PEF1: variants seen among roughly 807,000 people sequenced by gnomAD.
PEF1 encodes the protein peflin.
Under a neutral mutation model 32.0 loss-of-function variants are expected in PEF1, and 17 were observed. That is an observed-to-expected ratio of 0.53 (90% CI 0.36 to 0.80). The LOEUF is 0.80. PEF1 is among the 30% of genes least tolerant of loss of function. The pLI is 0.00. For missense variants in PEF1, 362 were observed against 369.1 expected (o/e 0.98, Z 0.16); for synonymous variants, 130 against 139.8 (o/e 0.93, Z 0.50).
At chr1:31,644,736 C>T in intron 1 of PEF1, 105 bp downstream of exon 1, 1 of 1,595,222 alleles carries the variant, frequency 6.3e-7, no homozygotes, top group Non-Finnish European at 8.6e-7. Context: ...GAAGCGAACC[C>T]ATCGTGGGAA....
intron 1 of PEF1, among the ~76,000 whole-genome samples, chr1:31,636,026 C>T (rs1640244447): frequency 1.3e-5 from 2 of 152,182 alleles, no homozygotes; most frequent in South Asian, 4.1e-4. Context: ...TGGATTCATC[C>T]ACAGCATGTC....
chr1:31,639,846 G>C (rs6425777), intron 1 of PEF1, among the ~76,000 whole-genome samples: 80,196 of 152,018 alleles, frequency 0.53, 22,278 homozygotes, highest in Non-Finnish European at 0.62. Flanking sequence ...GAGACAGAAT[G>C]CAGGCTGCAC....
chr1:31,637,109 T>C lies in PEF1; in HGVS notation c.25-1587A>G, dbSNP rs1406115812. Among the ~76,000 whole-genome samples, 7 of 152,328 alleles carry C rather than the reference T, an allele frequency of 4.6e-5. No individual in the cohort carries two copies. In the East Asian group the frequency reaches 1.3e-3, roughly 29 times the overall value. Reference sequence around the variant, plus strand: ...GTTTGATAGCTTGAAATAATTACTCTTAAGGCTAAGGCCAAATTCATGAGG... The same window carrying C: ...GTTTGATAGCTTGAAATAATTACTCCTAAGGCTAAGGCCAAATTCATGAGG... On this transcript the variant is annotated intron_variant, in intron 1 of 4. Coordinates refer to ENST00000373703, the MANE Select transcript of PEF1 (RefSeq NM_012392.4).
intron 2 of PEF1, 186 bp downstream of exon 2, chr1:31,635,036 C>A: frequency 4.9e-6 from 4 of 811,076 alleles, no homozygotes; most frequent in South Asian, 3.0e-5. Flanking sequence ...GCAAGCAATA[C>A]AAATAAATGC....
intron 1 of PEF1, 151 bp downstream of exon 1, chr1:31,644,690 G>T: frequency 6.7e-7 from 1 of 1,497,294 alleles, no homozygotes; most frequent in South Asian, 1.3e-5. Flanking sequence ...GCGACCGACG[G>T]TCCCTTTTCG....
intron 2 of PEF1, 36 bp downstream of exon 2, chr1:31,635,186 C>A: frequency 6.2e-7 from 1 of 1,606,408 alleles, no homozygotes; most frequent in Non-Finnish European, 8.5e-7. Context: ...CTCAGAACCA[C>A]GTCAGAGGTA....
chr1:31,634,071 A>G lies in PEF1; in HGVS notation c.326-757T>C, dbSNP rs191333666. ...GGGGTCCCTTCACACAAAGACAGCC[A>G]TGGGCAGTTGTGGAGGACAGAAACC... On this transcript the variant is annotated intron_variant, in intron 2 of 4. Coordinates refer to ENST00000373703, the MANE Select transcript of PEF1 (RefSeq NM_012392.4). Among the ~76,000 whole-genome samples, 708 of 152,320 alleles carry G rather than the reference A, an allele frequency of 4.6e-3. 5 individuals are homozygous for G. Among genetic ancestry groups the G allele is most frequent in the African/African-American group, 0.016 (668 of 41,568 alleles).
At chr1:31,641,420 C>A (rs925961356) in intron 1 of PEF1, among the ~76,000 whole-genome samples, 1 of 152,174 alleles carries the variant, frequency 6.6e-6, no homozygotes, top group Non-Finnish European at 1.5e-5. Flanking sequence ...TGGGACAAAA[C>A]ACTTCACTGG....
intron 1 of PEF1, among the ~76,000 whole-genome samples, chr1:31,638,025 T>C (rs1640302058): frequency 6.6e-6 from 1 of 152,130 alleles, no homozygotes; most frequent in Non-Finnish European, 1.5e-5. Context: ...TTAACAAGAC[T>C]TAACATGTAG....
chr1:31,640,382 AC>A (rs1640363944), intron 1 of PEF1, among the ~76,000 whole-genome samples: 1 of 151,856 alleles, frequency 6.6e-6, no homozygotes, highest in Non-Finnish European at 1.5e-5. Context: ...ACTCTACACT[AC>A]CCCCTTCTGT....
chr1:31,632,304 G>T, intron 4 of PEF1, 191 bp downstream of exon 4: 1 of 967,450 alleles, frequency 1.0e-6, no homozygotes, highest in Non-Finnish European at 1.6e-6. Flanking sequence ...GTGTTTCCTT[G>T]CCCTGGCTCT....
chr1:31,641,624 A>G (rs1640392468), intron 1 of PEF1, among the ~76,000 whole-genome samples: 1 of 152,094 alleles, frequency 6.6e-6, no homozygotes, highest in Admixed American at 6.6e-5. Flanking sequence ...TTGTGCAGCT[A>G]TTTCCTCTGC....
At chr1:31,641,997 T>A (rs916311313) in intron 1 of PEF1, among the ~76,000 whole-genome samples, 2 of 152,220 alleles carry the variant, frequency 1.3e-5, no homozygotes, top group Non-Finnish European at 2.9e-5. Flanking sequence ...TGTGGGAGGC[T>A]GAGGCAGGTG....
chr1:31,637,030 G>A lies in PEF1; in HGVS notation c.25-1508C>T, dbSNP rs866836124. 5.3e-5 allele frequency among the ~76,000 whole-genome samples: 8 copies of A among 152,318 alleles called. 1 individual carries two copies. The South Asian group carries it at 8.3e-4, about 16-fold the overall frequency. ...ATCTAGATACGTTCTAGATCAACCT[G>A]TAAGTGCACCAGTGGCCAAGCCACT... is the stretch of plus-strand genomic sequence containing the variant. On this transcript the variant is annotated intron_variant, in intron 1 of 4. Transcript: ENST00000373703.
chr1:31,642,037 G>T (rs911906711), intron 1 of PEF1, among the ~76,000 whole-genome samples: 30 of 152,272 alleles, frequency 2.0e-4, no homozygotes, highest in Middle Eastern at 3.4e-3. Flanking sequence ...TTTGAGACCA[G>T]CCTGGCCAAC....
At position 31,630,288 on chromosome 1, in the gene PEF1, G is replaced by A; in HGVS notation, c.*325C>T. 1 of 374,860 alleles carries A rather than the reference G, an allele frequency of 2.7e-6. No individual in the cohort carries two copies. The highest frequency in any genetic ancestry group is 2.6e-5 in the South Asian group (1 of 38,874). 23.2% of individuals were successfully genotyped at this position (374,860 alleles called of 1,614,324 possible). ...GAACACTCACCACTGGCATCAGGGT[G>A]GAGCTCAGCTGACTGGACACTAACT... On this transcript the variant is annotated 3_prime_UTR_variant, in exon 5 of 5. Coordinates refer to ENST00000373703, the MANE Select transcript of PEF1 (RefSeq NM_012392.4).
chr1:31,632,508 T>C lies in PEF1; in HGVS notation c.612A>G (p.Thr204=), dbSNP rs150810159. 8.0e-5 allele frequency: 129 copies of C among 1,614,118 alleles called. 1 individual carries two copies. The highest frequency in any genetic ancestry group is 1.6e-4 in the Middle Eastern group (1 of 6,084). ...DRDRSGSISY[T]ELQQALSQMG... ...CATGACCCGCACCTTGCTGCAGCTCTGTGTAGCTAATGGAGCCCGAGCGGT... is the reference window on the plus strand; with the variant it reads ...CATGACCCGCACCTTGCTGCAGCTCCGTGTAGCTAATGGAGCCCGAGCGGT... Residue 204 remains threonine, a synonymous_variant, in exon 4 of 5, where the codon ACA becomes ACG. Transcript: ENST00000373703.
At chr1:31,630,914 G>T in intron 4 of PEF1, 72 bp from the exon 5 acceptor site, 1 of 1,262,428 alleles carries the variant, frequency 7.9e-7, no homozygotes, top group East Asian at 2.5e-5. Context: ...CAGGAATACT[G>T]GATCACAACA....
chr1:31,632,002 T>C (rs1419628491), intron 4 of PEF1, among the ~76,000 whole-genome samples: 3 of 152,178 alleles, frequency 2.0e-5, no homozygotes, highest in Non-Finnish European at 4.4e-5. Context: ...GAACCAGACC[T>C]GGGGCTGTGG....
Sources: gnomAD v4.1 joint callset for allele counts (sites outside exome capture counted in the v4.1 genomes callset) on GRCh38, gnomAD v4.1.1 for gene constraint, MANE v1.5 for transcripts, NCBI Gene and HGNC (gene_info 2026-07-23, HGNC 2026-07-21) for gene names.